The following ATP2B2 variants were observed in gnomAD, a reference collection of about 807,000 sequenced individuals.
The protein encoded by ATP2B2 is plasma membrane calcium-transporting ATPase 2.
ATP2B2 carries 15 observed loss-of-function variants against 120.0 expected under a neutral mutation model. The ratio of observed to expected loss-of-function variants is 0.12; its 90% CI spans 0.08 to 0.19. ATP2B2 has a LOEUF of 0.19. Among genes scored for constraint, ATP2B2 ranks in the 10% least tolerant of loss-of-function variants. ATP2B2 has a pLI of 1.00. For missense variants in ATP2B2, 1,045 were observed against 1,719.8 expected (o/e 0.61, Z 6.94); for synonymous variants, 694 against 700.3 (o/e 0.99, Z 0.14).
chr3:10,382,389 T>C (rs1036099254), intron 8 of ATP2B2, among the ~76,000 whole-genome samples: 2 of 147,200 alleles, frequency 1.4e-5, no homozygotes, highest in Middle Eastern at 3.8e-3. Context: ...CTCTGTCTCC[T>C]AGGCTGGAGT....
chr3:10,631,796 G>T (rs139850226), intron 1 of ATP2B2, among the ~76,000 whole-genome samples: 1 of 152,336 alleles, frequency 6.6e-6, no homozygotes, highest in East Asian at 1.9e-4. Context: ...ACAGCATCAG[G>T]ATTAAAATCA....
At chr3:10,662,510 A>G (rs1234325351) in intron 1 of ATP2B2, among the ~76,000 whole-genome samples, 1 of 138,566 alleles carries the variant, frequency 7.2e-6, no homozygotes, top group African/African-American at 3.3e-5. Context: ...ATCCCTGGCC[A>G]TCAGAGAAAT....
chr3:10,602,543 C>T (rs1017714566), intron 2 of ATP2B2, among the ~76,000 whole-genome samples: 7 of 152,182 alleles, frequency 4.6e-5, no homozygotes, highest in Non-Finnish European at 8.8e-5. Context: ...ACTCAGGCAG[C>T]GGCAGCGAGG....
At chr3:10,657,883 C>A (rs574064092) in intron 1 of ATP2B2, among the ~76,000 whole-genome samples, 3 of 152,344 alleles carry the variant, frequency 2.0e-5, no homozygotes, top group East Asian at 1.9e-4. Flanking sequence ...CAGCTGGGTA[C>A]CCCTCTGAGA....
At chr3:10,577,578 C>G (rs181453007) in intron 2 of ATP2B2, among the ~76,000 whole-genome samples, 2 of 152,308 alleles carry the variant, frequency 1.3e-5, no homozygotes, top group Admixed American at 6.5e-5. Flanking sequence ...AACCTCAGAA[C>G]GGGTTGTTTT....
At position 10,649,529 on chromosome 3, in the gene ATP2B2, G is replaced by A. The variant is rs372408425; in HGVS notation, c.-459-29568C>T. ...GCCTTTTGCATATGCTGTTCCCTCA[G>A]ATGGAGCATTCCTCTCTCTTATTAG... On this transcript the variant is annotated intron_variant, in intron 1 of 21. Coordinates refer to the ATP2B2 transcript ENST00000646379. 8.5e-5 allele frequency among the ~76,000 whole-genome samples: 13 copies of A among 152,288 alleles called. No individual in the cohort carries two copies. The South Asian group carries it at 1.0e-3, about 12-fold the overall frequency.
At chr3:10,361,057 CT>C (rs981947895) in intron 12 of ATP2B2, among the ~76,000 whole-genome samples, 1 of 148,556 alleles carries the variant, frequency 6.7e-6, no homozygotes, top group Non-Finnish European at 1.5e-5. Context: ...CAGAATCCCC[CT>C]GAGATCCAAG....
chr3:10,493,623 A>G lies in ATP2B2; in HGVS notation c.-320+11842T>C, dbSNP rs527570420. On this transcript the variant is annotated intron_variant, in intron 1 of 22. Transcript: ENST00000360273. ...ATTCCTCTGGCCACGCAGGAAGAAC[A>G]GACGATTGAAAGGGCAAGAGAGGAT... Among the ~76,000 whole-genome samples the G allele has an allele frequency of 2.6e-5, 4 of 152,366 alleles. No homozygotes were observed. In the East Asian group the frequency reaches 7.7e-4, roughly 29 times the overall value.
At chr3:10,385,142 T>C in intron 8 of ATP2B2, 126 bp downstream of exon 8, 2 of 947,520 alleles carry the variant, frequency 2.1e-6, no homozygotes, top group South Asian at 2.8e-5. Context: ...AGAAGGTGAC[T>C]GTCCCAGCGG....
intron 1 of ATP2B2, among the ~76,000 whole-genome samples, chr3:10,664,675 T>C (rs2070879789): frequency 6.6e-6 from 1 of 152,174 alleles, no homozygotes; most frequent in Non-Finnish European, 1.5e-5. Flanking sequence ...ATTTTTAATA[T>C]GCGTGTTCTC....
intron 2 of ATP2B2, chr3:10,570,201 T>C (rs533254297): frequency 1.3e-5 from 2 of 152,344 alleles, no homozygotes; most frequent in African/African-American, 4.8e-5. Flanking sequence ...CTGCCACTAA[T>C]TCACTCTAAA....
At position 10,338,453 on chromosome 3, in the gene ATP2B2, G is replaced by T; in HGVS notation, c.3238-95C>A. ...CTCCTCTACCTCCCTCCTCCTACCC[G>T]CTCACCCAGGCATGTGATCAATCTA... On this transcript the variant is annotated intron_variant, in intron 21 of 22. Coordinates refer to ENST00000360273, the MANE Select transcript of ATP2B2 (RefSeq NM_001001331.4). The T allele has an allele frequency of 8.5e-6, 11 of 1,295,044 alleles. No homozygotes were observed. In the South Asian group the frequency reaches 1.3e-4, roughly 16 times the overall value. 80.2% of individuals were successfully genotyped at this position (1,295,044 alleles called of 1,614,324 possible). A position where few individuals can be genotyped will look rare whatever the true frequency, so the allele number is the denominator to read the frequency against.
chr3:10,423,999 T>G (rs1443800254), intron 2 of ATP2B2, among the ~76,000 whole-genome samples: 1 of 152,162 alleles, frequency 6.6e-6, no homozygotes, highest in African/African-American at 2.4e-5. Flanking sequence ...TCGACAGCAG[T>G]GGTGGCATGC....
rs3896637 is a variant in ATP2B2 at position 10,347,789 on chromosome 3, T to G, written c.2405-1652A>C. ...CTGTGCGGAAAGCTGGGAGGAAACC[T>G]CTCCCTAGACGCCTCCCTGCCTCCA... is the stretch of plus-strand genomic sequence containing the variant. On this transcript the variant is annotated intron_variant, in intron 16 of 22. Transcript: ENST00000360273. The surrounding 1 kb of genome is among the most constrained non-coding windows in gnomAD (Gnocchi z 5.2). Among the ~76,000 whole-genome samples, 3,526 of 152,180 alleles carry G rather than the reference T, an allele frequency of 0.023. 64 individuals carry two copies. The highest frequency in any genetic ancestry group is 0.06 in the South Asian group (291 of 4,818).
intron 2 of ATP2B2, among the ~76,000 whole-genome samples, chr3:10,541,679 C>G (rs938192307): frequency 1.3e-5 from 2 of 152,128 alleles, no homozygotes; most frequent in African/African-American, 4.8e-5. Context: ...GTTTTATGAT[C>G]CAGGATATGG....
intron 1 of ATP2B2, among the ~76,000 whole-genome samples, chr3:10,664,576 C>A (rs1285708510): frequency 6.6e-6 from 1 of 152,194 alleles, no homozygotes; most frequent in African/African-American, 2.4e-5. Flanking sequence ...CTCCTCCTGG[C>A]ATGGCCCCAC....
intron 1 of ATP2B2, among the ~76,000 whole-genome samples, chr3:10,685,998 C>A (rs1431448378): frequency 2.6e-5 from 4 of 151,426 alleles, no homozygotes; most frequent in Admixed American, 1.3e-4. Flanking sequence ...AATGCTTATT[C>A]CAGCTCGTCT....
intron 1 of ATP2B2, among the ~76,000 whole-genome samples, chr3:10,705,578 G>A (rs2071883508): frequency 6.6e-6 from 1 of 152,202 alleles, no homozygotes. Context: ...TGGACTCTGG[G>A]TCTCACCCAT....
chr3:10,653,759 A>C (rs2070530878), intron 1 of ATP2B2, among the ~76,000 whole-genome samples: 1 of 152,148 alleles, frequency 6.6e-6, no homozygotes, highest in African/African-American at 2.4e-5. Flanking sequence ...ACCTAGGCTT[A>C]GTGAGAGTCT....
Sources: gnomAD v4.1 joint callset for allele counts (sites outside exome capture counted in the v4.1 genomes callset) on GRCh38, gnomAD v4.1.1 for gene constraint, Gnocchi (gnomAD v3.1) non-coding constraint, MANE v1.5 for transcripts, NCBI Gene and HGNC (gene_info 2026-07-23, HGNC 2026-07-21) for gene names.